ZNF808: variants seen among roughly 807,000 people sequenced by gnomAD.
ZNF808 encodes the protein zinc finger protein 808.
In ZNF808, 5 loss-of-function variants were observed where a neutral mutation model predicts 8.7. The ratio of observed to expected loss-of-function variants is 0.58; its 90% CI spans 0.30 to 1.21. The LOEUF (loss-of-function observed/expected upper bound fraction) is 1.21. ZNF808 is among the 50% of genes most tolerant of loss of function. The probability of loss-of-function intolerance (pLI) is 0.07; values close to 1 mark genes in which losing one functional copy is unlikely to be tolerated. For synonymous variants in ZNF808, 380 were observed against 366.0 expected, an observed-to-expected ratio of 1.04 and a Z score of -0.44; for missense variants, 1,103 against 1,098.4, an observed-to-expected ratio of 1.00 and a Z score of -0.06.
downstream of ZNF808, among the ~76,000 whole-genome samples, chr19:52,565,592 A>G (rs1226556367): frequency 6.6e-6 from 1 of 152,136 alleles, no homozygotes; most frequent in Admixed American, 6.6e-5. Flanking sequence ...CCTGAGTCAA[A>G]TGTCTGTCTG....
downstream of ZNF808, among the ~76,000 whole-genome samples, chr19:52,561,059 T>C (rs1600052277): frequency 6.6e-6 from 1 of 151,958 alleles, no homozygotes; most frequent in East Asian, 1.9e-4. Context: ...ACTCAGCACA[T>C]GATCCATGAG....
Position 52,554,084 on chromosome 19 carries a change from A to C in ZNF808, c.1168A>C (p.Thr390Pro). The C allele has an allele frequency of 6.2e-7, 1 of 1,614,116 alleles. No individual in the cohort carries two copies. Among genetic ancestry groups the C allele is most frequent in the South Asian group, 1.1e-5 (1 of 91,080 alleles). The change falls in exon 5 of 5, where the codon ACT (threonine) becomes CCT (proline). Residue 390 changes from threonine to proline, a missense_variant. Thr to Pro is a conservative substitution (Grantham distance 38). Coordinates refer to ENST00000359798, the MANE Select transcript of ZNF808 (RefSeq NM_001039886.4). ...FACHSYLANH[T>P]RIHSGEKTYK... ...GTGTCATTCCTATCTGGCAAACCAT[A>C]CTAGAATTCATAGTGGAGAGAAAAC...
At chr19:52,537,429 G>A (rs2059624183) in intron 2 of ZNF808, among the ~76,000 whole-genome samples, 1 of 152,168 alleles carries the variant, frequency 6.6e-6, no homozygotes, top group African/African-American at 2.4e-5. Flanking sequence ...GCTCATGCCT[G>A]TAATCCCAGC....
intron 4 of ZNF808, among the ~76,000 whole-genome samples, 154 bp from the exon 5 acceptor site, chr19:52,552,953 A>C (rs1342988736): frequency 3.3e-5 from 5 of 152,150 alleles, no homozygotes; most frequent in Non-Finnish European, 7.4e-5. Flanking sequence ...CCCTTTATTT[A>C]CTAAAGAATC....
In ZNF808 at chr19:52,535,213, C is replaced by T. The variant is rs1018560991; in HGVS notation, c.-20+2204C>T. 6.7e-5 allele frequency among the ~76,000 whole-genome samples: 10 copies of T among 149,680 alleles called. 1 individual carries two copies. The highest frequency in any genetic ancestry group is 7.4e-5 in the Non-Finnish European group (5 of 67,378). On this transcript the variant is annotated intron_variant, in intron 2 of 4. Transcript: ENST00000359798. Reference sequence around the variant, plus strand: ...GAGCGTCGTGGTGGGCGCCTGTAGTCCCAGTTACTCCAAAGGCTGAGGCAG... The same window carrying T: ...GAGCGTCGTGGTGGGCGCCTGTAGTTCCAGTTACTCCAAAGGCTGAGGCAG...
chr19:52,563,902 A>G (rs1325462354), exon 4 of ZNF808: 3 of 276,282 alleles, frequency 1.1e-5, no homozygotes, highest in Non-Finnish European at 2.1e-5. Flanking sequence ...AGGCTGAGGC[A>G]GAAGAATTGC....
downstream of ZNF808, among the ~76,000 whole-genome samples, chr19:52,564,858 G>A (rs1440550475): frequency 2.0e-5 from 3 of 152,034 alleles, no homozygotes; most frequent in Non-Finnish European, 2.9e-5. Context: ...AGGCCGAGGC[G>A]GGCGGATCAC....
chr19:52,554,885 G>T lies in ZNF808; in HGVS notation c.1969G>T (p.Gly657Trp). The change falls in exon 5 of 5, where the codon GGG (glycine) becomes TGG (tryptophan). Residue 657 changes from glycine (G) to tryptophan (W), a missense_variant. Gly to Trp is a radical substitution (Grantham distance 184, BLOSUM62 -2). Transcript: ENST00000359798. Reference sequence around the variant, plus strand: ...AAAAACTTACAAGTGTAATGAGTGTGGGAAGACCTTCAGTTACAAGTCATC... The same window carrying T: ...AAAAACTTACAAGTGTAATGAGTGTTGGAAGACCTTCAGTTACAAGTCATC... The part of the protein sequence containing the change: ...GEKTYKCNEC[G>W]KTFSYKSSLV... The T allele has an allele frequency of 1.2e-6, 2 of 1,614,170 alleles. No homozygotes were observed. Among genetic ancestry groups the T allele is most frequent in the Non-Finnish European group, 1.7e-6 (2 of 1,180,008 alleles).
chr19:52,539,413 C>T (rs1035326557), intron 2 of ZNF808, among the ~76,000 whole-genome samples: 3 of 151,700 alleles, frequency 2.0e-5, no homozygotes, highest in South Asian at 4.2e-4. Context: ...ACTTGTCTTG[C>T]ACTCATGACC....
At chr19:52,566,051 C>G (rs929558194), downstream of ZNF808, among the ~76,000 whole-genome samples, 2 of 152,148 alleles carry the variant, frequency 1.3e-5, no homozygotes, top group African/African-American at 4.8e-5. Flanking sequence ...ATGGAAAGCA[C>G]AAATCAGTTC....
chr19:52,549,160 A>T (rs1399771641), intron 4 of ZNF808, among the ~76,000 whole-genome samples: 1 of 151,828 alleles, frequency 6.6e-6, no homozygotes, highest in Non-Finnish European at 1.5e-5. Context: ...TATTTTTTTT[A>T]GTAGAGACAG....
intron 1 of ZNF808, among the ~76,000 whole-genome samples, chr19:52,530,474 T>C (rs559432): frequency 0.65 from 98,392 of 151,802 alleles, 33,674 homozygotes; most frequent in African/African-American, 0.87. Flanking sequence ...CCAGCCTGGC[T>C]GACACAGTGA....
chr19:52,535,627 G>A (rs2059601284), intron 2 of ZNF808, among the ~76,000 whole-genome samples: 1 of 152,204 alleles, frequency 6.6e-6, no homozygotes, highest in Non-Finnish European at 1.5e-5. Context: ...AGCACAGGGT[G>A]GACCCTCCCT....
downstream of ZNF808, among the ~76,000 whole-genome samples, chr19:52,558,658 C>A (rs184116801): frequency 1.4e-3 from 206 of 152,324 alleles, no homozygotes; most frequent in Middle Eastern, 6.8e-3. Context: ...GCATGAGCCA[C>A]CATGCCTGGC....
exon 4 of ZNF808, chr19:52,564,014 G>C: frequency 2.1e-6 from 1 of 481,530 alleles, no homozygotes; most frequent in Admixed American, 3.5e-5. Context: ...CAAACAAAAA[G>C]GTCTAGCCCC....
rs2123196594 is a variant in ZNF808 at position 52,553,901 on chromosome 19, G to T, written c.985G>T (p.Ala329Ser). The T allele has an allele frequency of 6.2e-7, 1 of 1,613,680 alleles. No individual in the cohort carries two copies. The highest frequency in any genetic ancestry group is 2.2e-5 in the East Asian group (1 of 44,820). Residue 329 changes from alanine to serine, a missense_variant, in exon 5 of 5, where the codon GCC (alanine) becomes TCC (serine). Coordinates refer to ENST00000359798, the MANE Select transcript of ZNF808 (RefSeq NM_001039886.4). ...ECGKVFRQNS[A>S]LVIHKAIHTG... The stretch of plus-strand genomic sequence containing the variant: ...TGGCAAGGTCTTTCGTCAAAATTCA[G>T]CCCTTGTAATTCATAAGGCAATTCA...
rs186229115 is a variant in ZNF808, at chr19:52,549,715, C to G, written c.190+2077C>G. ...TGCTCTCCACCCTTGCCCTTCCTTTCCTGGCCTTGACTCACATGATACATT... is the reference window on the plus strand; with the variant it reads ...TGCTCTCCACCCTTGCCCTTCCTTTGCTGGCCTTGACTCACATGATACATT... On this transcript the variant is annotated intron_variant, in intron 4 of 4. Transcript: ENST00000359798. Among the ~76,000 whole-genome samples, 429 of 152,196 alleles carry G rather than the reference C, an allele frequency of 2.8e-3. 2 individuals carry two copies. Among genetic ancestry groups the G allele is most frequent in the African/African-American group, 9.1e-3 (378 of 41,494 alleles).
intron 2 of ZNF808, among the ~76,000 whole-genome samples, chr19:52,533,373 C>G (rs1298369396): frequency 1.3e-5 from 2 of 151,944 alleles, no homozygotes; most frequent in Non-Finnish European, 2.9e-5. Flanking sequence ...ACTACAGGCA[C>G]CCGCTATAAT....
At chr19:52,530,678 G>A (rs2059554049) in intron 1 of ZNF808, among the ~76,000 whole-genome samples, 1 of 147,686 alleles carries the variant, frequency 6.8e-6, no homozygotes, top group African/African-American at 2.4e-5. Context: ...AAAAAAGAGA[G>A]AAAGAAAAAG....
Sources: gnomAD v4.1 joint callset for allele counts (sites outside exome capture counted in the v4.1 genomes callset) on GRCh38, gnomAD v4.1.1 for gene constraint, MANE v1.5 for transcripts, NCBI Gene and HGNC (gene_info 2026-07-23, HGNC 2026-07-21) for gene names.